USF3: variants seen among roughly 807,000 people sequenced by gnomAD.
The protein encoded by USF3 is basic helix-loop-helix domain-containing protein USF3.
In USF3, 29 loss-of-function variants were observed where a neutral mutation model predicts 157.5. That is an observed-to-expected ratio of 0.18 (90% confidence interval 0.14 to 0.25). The LOEUF (loss-of-function observed/expected upper bound fraction) is 0.25. Among genes scored for constraint, USF3 ranks in the 10% least tolerant of loss-of-function variants. The pLI is 1.00. For missense variants in USF3, 2,381 were observed against 2,667.6 expected, an observed-to-expected ratio of 0.89 and a Z score of 2.37; for synonymous variants, 893 against 941.4, an observed-to-expected ratio of 0.95 and a Z score of 0.94.
In USF3 at chr3:113,654,985, T is replaced by C; in HGVS notation, c.6697A>G (p.Ile2233Val). The change falls in exon 7 of 7, where the codon ATA (isoleucine) becomes GTA (valine). Residue 2233 changes from isoleucine (I) to valine (V), a missense_variant. Ile to Val is a conservative substitution (Grantham distance 29, BLOSUM62 3). Coordinates refer to ENST00000316407, the MANE Select transcript of USF3 (RefSeq NM_001009899.4). ...CAATCATGACCTAGAATATGGCTTA[T>C]GTTATGGGCAGGTCTGTTTGAGGAC... is the stretch of plus-strand genomic sequence containing the variant. ...KQSSNRPAHN[I>V]SHILGHDCSS... The C allele has an allele frequency of 6.2e-7, 1 of 1,613,526 alleles. No homozygotes were observed. Among genetic ancestry groups the C allele is most frequent in the Non-Finnish European group, 8.5e-7 (1 of 1,179,652 alleles).
At chr3:113,666,415 C>T (rs1947568030) in intron 5 of USF3, among the ~76,000 whole-genome samples, 1 of 147,868 alleles carries the variant, frequency 6.8e-6, no homozygotes, top group African/African-American at 2.5e-5. Flanking sequence ...TCATGCCTGG[C>T]TAATTTTTTT....
intron 5 of USF3, among the ~76,000 whole-genome samples, chr3:113,666,139 G>A (rs1408169927): frequency 1.3e-5 from 2 of 148,774 alleles, no homozygotes; most frequent in African/African-American, 4.9e-5. Context: ...AGCCGAGATT[G>A]TGCCATTGCA....
At chr3:113,678,082 G>C (rs1249460280) in intron 1 of USF3, among the ~76,000 whole-genome samples, 1 of 125,592 alleles carries the variant, frequency 8.0e-6, no homozygotes, top group Non-Finnish European at 1.6e-5. Context: ...TTTCTTTTTT[G>C]TTTTTGGTTT....
At chr3:113,686,354 G>T (rs1448461865) in intron 1 of USF3, among the ~76,000 whole-genome samples, 4 of 152,190 alleles carry the variant, frequency 2.6e-5, no homozygotes, top group African/African-American at 7.2e-5. Context: ...GCTGGGGAAG[G>T]GGGGAAGGGT....
intron 3 of USF3, among the ~76,000 whole-genome samples, chr3:113,674,480 C>G (rs375820762): frequency 6.6e-6 from 1 of 151,990 alleles, no homozygotes; most frequent in Non-Finnish European, 1.5e-5. Flanking sequence ...GTAGCTGGAA[C>G]TACAGGTACA....
chr3:113,669,610 A>C (rs1420097833), intron 5 of USF3, among the ~76,000 whole-genome samples: 1 of 151,702 alleles, frequency 6.6e-6, no homozygotes, highest in African/African-American at 2.4e-5. Flanking sequence ...TATTAGAGGG[A>C]TAATAATAAT....
chr3:113,661,017 G>A lies in USF3; in HGVS notation c.665C>T (p.Pro222Leu), dbSNP rs762626596. 3.5e-5 allele frequency: 56 copies of A among 1,614,020 alleles called. No individual in the cohort carries two copies. Among genetic ancestry groups the A allele is most frequent in the Non-Finnish European group, 4.7e-5 (56 of 1,180,028 alleles). Reference protein sequence around the residue: ...TTVPALATNQPVPLCLPAAIS... With the variant: ...TTVPALATNQLVPLCLPAAIS... ...GGCAGCAGGAAGACAAAGAGGAACAGGCTGGTTGGTAGCCAATGCAGGAAC... is the reference window on the plus strand; with the variant it reads ...GGCAGCAGGAAGACAAAGAGGAACAAGCTGGTTGGTAGCCAATGCAGGAAC... The change falls in exon 7 of 7, where the codon CCT (proline) becomes CTT (leucine). Residue 222 changes from proline (P) to leucine (L), a missense_variant. Physicochemically the swap from Pro to Leu is moderately conservative, Grantham distance 98 (BLOSUM62 -3). Coordinates refer to ENST00000316407, the MANE Select transcript of USF3 (RefSeq NM_001009899.4).
Position 113,652,599 on chromosome 3 carries a change from G to A in USF3, c.*2345C>T, listed in dbSNP as rs1483704334. 2.0e-5 allele frequency: 3 copies of A among 151,306 alleles called. No individual in the cohort carries two copies. Among genetic ancestry groups the A allele is most frequent in the Non-Finnish European group, 2.9e-5 (2 of 67,952 alleles). The allele number at this position is 151,306 out of a possible 1,614,324, so 9.4% of individuals were successfully genotyped here. A position where few individuals can be genotyped will look rare whatever the true frequency, so the allele number is the denominator to read the frequency against. The stretch of plus-strand genomic sequence containing the variant: ...AAATGACCCTTTTGCTGAGTCTTTA[G>A]AAGAGGTATTCACTGGAGTTAACTG... On this transcript the variant is annotated 3_prime_UTR_variant, in exon 7 of 7. Coordinates refer to ENST00000316407, the MANE Select transcript of USF3 (RefSeq NM_001009899.4).
chr3:113,658,942 G>A lies in USF3; in HGVS notation c.2740C>T (p.Pro914Ser), dbSNP rs756539973. 6.2e-7 allele frequency: 1 copy of A among 1,614,114 alleles called. No homozygotes were observed. The highest frequency in any genetic ancestry group is 8.5e-7 in the Non-Finnish European group (1 of 1,180,004). ...TGAGATGTCTCTTGTTGTAGATTAG[G>A]GGTAGAATCTTTGGATTTTGCTGCG... ...MAAAKSKDST[P>S]NLQQETSQDK... Residue 914 changes from proline (P) to serine (S), a missense_variant, in exon 7 of 7, where the codon CCT becomes TCT. By Grantham distance (74) the Pro-to-Ser change is moderately conservative. Coordinates refer to ENST00000316407, the MANE Select transcript of USF3 (RefSeq NM_001009899.4).
intron 1 of USF3, among the ~76,000 whole-genome samples, chr3:113,681,267 C>T (rs1226948071): frequency 1.3e-5 from 2 of 152,190 alleles, no homozygotes; most frequent in East Asian, 1.9e-4. Context: ...GTATGAGCCA[C>T]CATGCCCAGC....
chr3:113,655,989 G>A lies in USF3; in HGVS notation c.5693C>T (p.Ser1898Leu), dbSNP rs780769131. The change falls in exon 7 of 7, where the codon TCA becomes TTA. Residue 1898 changes from serine to leucine, a missense_variant. Ser to Leu is a moderately radical substitution (Grantham distance 145, BLOSUM62 -2). Transcript: ENST00000316407. ...AATATCTCCTGAGGAAGAGGAACTTGAAAAAGGAATATTCAAGGTGCTGTT... is the reference window on the plus strand; with the variant it reads ...AATATCTCCTGAGGAAGAGGAACTTAAAAAAGGAATATTCAAGGTGCTGTT... Reference protein sequence around the residue: ...TRNSTLNIPFSSSSSSGDIQG... With the variant: ...TRNSTLNIPFLSSSSSGDIQG... 6.2e-7 allele frequency: 1 copy of A among 1,614,164 alleles called. No homozygotes were observed. The highest frequency in any genetic ancestry group is 2.2e-5 in the East Asian group (1 of 44,884).
In USF3 at chr3:113,688,739, C is replaced by T. The variant is rs147460709; in HGVS notation, c.-135+7631G>A. ...AAATGATTCCAAAGCACAGCCACTGCGGTCATTAATACAGATGCTGGCTGG... is the reference window on the plus strand; with the variant it reads ...AAATGATTCCAAAGCACAGCCACTGTGGTCATTAATACAGATGCTGGCTGG... On this transcript the variant is annotated intron_variant, in intron 1 of 6. Transcript: ENST00000316407. Among the ~76,000 whole-genome samples the T allele has an allele frequency of 7.2e-3, 1,091 of 152,300 alleles. 9 individuals carry two copies. Among genetic ancestry groups the T allele is most frequent in the African/African-American group, 0.025 (1,041 of 41,562 alleles).
Position 113,659,477 on chromosome 3 carries a change from G to T in USF3, c.2205C>A (p.Ala735=). ...GACTATTTGCAGCAGTTTGAGAATT[G>T]GCAGGCTGGCTAATAGACAATTGTA... The part of the protein sequence containing the change: ...SCVQLSISQP[A]NSQTAANSQT... The change falls in exon 7 of 7, where the codon GCC becomes GCA. Residue 735 remains alanine (A), a synonymous_variant. Transcript: ENST00000316407. The T allele has an allele frequency of 6.2e-7, 1 of 1,614,216 alleles. No homozygotes were observed. Among genetic ancestry groups the T allele is most frequent in the South Asian group, 1.1e-5 (1 of 91,080 alleles).
At chr3:113,690,233 A>C (rs1707654057) in intron 1 of USF3, among the ~76,000 whole-genome samples, 1 of 152,168 alleles carries the variant, frequency 6.6e-6, no homozygotes, top group Non-Finnish European at 1.5e-5. Context: ...AATTGTTTTC[A>C]TAATGTTCAT....
chr3:113,659,907 G>C lies in USF3; in HGVS notation c.1775C>G (p.Pro592Arg). Residue 592 changes from proline to arginine, a missense_variant, in exon 7 of 7, where the codon CCA becomes CGA. Transcript: ENST00000316407. ...ACCAGGAGGTGGAGCAGGGAGGAGTGGCAAAGGATTCTGATTAGCAGCCTG... is the reference window on the plus strand; with the variant it reads ...ACCAGGAGGTGGAGCAGGGAGGAGTCGCAAAGGATTCTGATTAGCAGCCTG... ...IIQAANQNPL[P>R]LLPAPPPGSV... is the part of the protein sequence containing the mutation. 6.2e-7 allele frequency: 1 copy of C among 1,614,152 alleles called. No individual in the cohort carries two copies. Among genetic ancestry groups the C allele is most frequent in the Non-Finnish European group, 8.5e-7 (1 of 1,180,014 alleles).
chr3:113,655,901 C>T lies in USF3; in HGVS notation c.5781G>A (p.Glu1927=). The T allele has an allele frequency of 1.9e-6, 3 of 1,614,162 alleles. No homozygotes were observed. The highest frequency in any genetic ancestry group is 2.5e-6 in the Non-Finnish European group (3 of 1,180,036). Reference sequence around the variant, plus strand: ...TCATGTGGCCCTTGGTGGCATGACTCTCAGTAATCCTCATGGGATTGGATT... The same window carrying T: ...TCATGTGGCCCTTGGTGGCATGACTTTCAGTAATCCTCATGGGATTGGATT... ...VQKSNPMRIT[E]SHATKGHMNP... The change falls in exon 7 of 7, where the codon GAG becomes GAA. Residue 1927 remains glutamate, a synonymous_variant. Coordinates refer to ENST00000316407, the MANE Select transcript of USF3 (RefSeq NM_001009899.4).
At position 113,660,007 on chromosome 3, in the gene USF3, T is replaced by C. The variant is rs1257589843; in HGVS notation, c.1675A>G (p.Ser559Gly). 1.9e-6 allele frequency: 3 copies of C among 1,614,048 alleles called. No individual in the cohort carries two copies. In the Admixed American group the frequency reaches 5.0e-5, roughly 27 times the overall value. ...NQNVIILQPP[S>G]TTPCPTVMRA... ...ATCACTGTTGGGCATGGGGTGGTGC[T>C]AGGTGGCTGAAGAATTATAACATTT... The change falls in exon 7 of 7, where the codon AGC becomes GGC. Residue 559 changes from serine (S) to glycine (G), a missense_variant. Physicochemically the swap from Ser to Gly is moderately conservative, Grantham distance 56 (BLOSUM62 0). Around this residue, in one of 6 missense-constraint regions of USF3, gnomAD observed 1,435 missense variants for 1,550.9 expected, o/e 0.93. Coordinates refer to ENST00000316407, the MANE Select transcript of USF3 (RefSeq NM_001009899.4).
At position 113,656,844 on chromosome 3, in the gene USF3, C is replaced by G. The variant is rs1194832108; in HGVS notation, c.4838G>C (p.Gly1613Ala). ...QQQDVGSRQQ[G>A]SGVSSEHVSG... The stretch of plus-strand genomic sequence containing the variant: ...TACATGTTCAGATGAAACCCCTGAA[C>G]CTTGCTGTCTGCTTCCAACATCCTG... Residue 1613 changes from glycine (G) to alanine (A), a missense_variant, in exon 7 of 7, where the codon GGT becomes GCT. By Grantham distance (60) the Gly-to-Ala change is moderately conservative. Around this residue, in one of 6 missense-constraint regions of USF3, gnomAD observed 770 missense variants for 824.2 expected, o/e 0.93. Transcript: ENST00000316407. The G allele has an allele frequency of 6.2e-7, 1 of 1,614,188 alleles. No homozygotes were observed. The highest frequency in any genetic ancestry group is 8.5e-7 in the Non-Finnish European group (1 of 1,180,030).
Position 113,655,258 on chromosome 3 carries a change from T to G in USF3, c.6424A>C (p.Lys2142Gln). ...NQMFSNPSTE[K>Q]VNSGSLNNRF... ...TTATTTAAACTTCCACTGTTTACCT[T>G]CTCTGTGCTAGGATTTGAGAACATC... Residue 2142 changes from lysine to glutamine, a missense_variant, in exon 7 of 7, where the codon AAG (lysine) becomes CAG (glutamine). By Grantham distance (53) the Lys-to-Gln change is moderately conservative (BLOSUM62 1). Coordinates refer to ENST00000316407, the MANE Select transcript of USF3 (RefSeq NM_001009899.4). 1 of 1,614,104 alleles carries G rather than the reference T, an allele frequency of 6.2e-7. No homozygotes were observed. The highest frequency in any genetic ancestry group is 8.5e-7 in the Non-Finnish European group (1 of 1,179,970).
Sources: allele counts gnomAD v4.1 joint callset (sites outside exome capture counted in the v4.1 genomes callset), GRCh38; gene constraint gnomAD v4.1.1; regional missense constraint gnomAD v4.1.1; transcripts MANE v1.5; gene names NCBI Gene and HGNC (gene_info 2026-07-23, HGNC 2026-07-21).